The following SHISA9 variants were observed in gnomAD, a reference collection of about 807,000 sequenced individuals.
SHISA9 encodes the protein shisa family member 9.
A neutral mutation model predicts 38.0 loss-of-function variants in SHISA9; 13 were observed. That is an observed-to-expected ratio of 0.34 (90% CI 0.22 to 0.54). SHISA9 has a LOEUF of 0.54. SHISA9 is among the 20% of genes least tolerant of loss of function. SHISA9 has a pLI of 0.91. For missense variants in SHISA9, 538 were observed against 575.8 expected (o/e 0.93, Z 0.67); for synonymous variants, 275 against 242.0 (o/e 1.14, Z -1.27).
At chr16:13,415,815 T>TA in the SHISA9 span, among the ~76,000 whole-genome samples, 210 of 149,196 alleles carry the variant, frequency 1.4e-3, no homozygotes, top group African/African-American at 4.0e-3. Context: ...CTTCTTTCGT[T>TA]AAAAAAAAAA....
At chr16:13,307,990 CAT>C in the SHISA9 span, among the ~76,000 whole-genome samples, 1 of 152,174 alleles carries the variant, frequency 6.6e-6, no homozygotes, top group Non-Finnish European at 1.5e-5. Context: ...TTCTGAGTGC[CAT>C]ATGTTACAGA....
chr16:13,222,964 C>T (rs1221935112), intron 4 of SHISA9, among the ~76,000 whole-genome samples: 1 of 152,138 alleles, frequency 6.6e-6, no homozygotes, highest in Non-Finnish European at 1.5e-5. Flanking sequence ...TTTCAGGATG[C>T]AACGTCCTCT....
intron 2 of SHISA9, among the ~76,000 whole-genome samples, chr16:12,963,266 G>A (rs566525973): frequency 6.6e-6 from 1 of 152,338 alleles, no homozygotes; most frequent in Non-Finnish European, 1.5e-5. Flanking sequence ...GTGCATCTCT[G>A]CAGGACCCAG....
At chr16:13,110,808 G>A (rs753331973) in intron 2 of SHISA9, among the ~76,000 whole-genome samples, 2 of 152,218 alleles carry the variant, frequency 1.3e-5, no homozygotes, top group Non-Finnish European at 2.9e-5. Context: ...GTATGTCCAA[G>A]AGACAAGATA....
chr16:13,301,546 A>C, the SHISA9 span, among the ~76,000 whole-genome samples: 1 of 152,220 alleles, frequency 6.6e-6, no homozygotes, highest in Admixed American at 6.5e-5. Flanking sequence ...TTAAACTTCT[A>C]ATAGTTCTGT....
chr16:13,127,013 G>A (rs1181163187), intron 2 of SHISA9, among the ~76,000 whole-genome samples: 2 of 144,500 alleles, frequency 1.4e-5, no homozygotes, highest in Non-Finnish European at 3.0e-5. Context: ...AAGACTGTGG[G>A]AAGGAGACAG....
the SHISA9 span, among the ~76,000 whole-genome samples, chr16:13,275,488 A>G: frequency 6.6e-6 from 1 of 152,004 alleles, no homozygotes; most frequent in Non-Finnish European, 1.5e-5. Context: ...TATGAGTTCG[A>G]TGTAGTAATA....
intron 2 of SHISA9, among the ~76,000 whole-genome samples, chr16:13,102,768 C>T (rs1371154489): frequency 6.6e-6 from 1 of 152,152 alleles, no homozygotes; most frequent in Non-Finnish European, 1.5e-5. Context: ...CTTGTTTTGT[C>T]CCTGTTAATC....
At chr16:12,953,203 A>C (rs1378000290) in intron 2 of SHISA9, among the ~76,000 whole-genome samples, 1 of 145,814 alleles carries the variant, frequency 6.9e-6, no homozygotes, top group Non-Finnish European at 1.5e-5. Flanking sequence ...AAACAAAAAA[A>C]CCCCTCAACA....
intron 2 of SHISA9, among the ~76,000 whole-genome samples, chr16:13,028,456 C>G (rs1266991844): frequency 1.3e-5 from 2 of 152,202 alleles, no homozygotes; most frequent in East Asian, 3.9e-4. Flanking sequence ...AGGTGAAAGA[C>G]ACGTCTTACA....
chr16:13,273,308 T>C, the SHISA9 span, among the ~76,000 whole-genome samples: 9 of 152,206 alleles, frequency 5.9e-5, no homozygotes, highest in African/African-American at 2.2e-4. Flanking sequence ...GCTTAACCCC[T>C]GATATGGTTT....
intron 2 of SHISA9, among the ~76,000 whole-genome samples, chr16:13,197,371 G>T (rs1196661730): frequency 6.6e-6 from 1 of 152,074 alleles, no homozygotes; most frequent in Non-Finnish European, 1.5e-5. Context: ...TGTCTCTTCT[G>T]CATGGAGAGA....
chr16:13,379,190 T>C, the SHISA9 span, among the ~76,000 whole-genome samples: 1 of 152,102 alleles, frequency 6.6e-6, no homozygotes, highest in South Asian at 2.1e-4. Flanking sequence ...GGTGAGAAGA[T>C]AGTGAGTTTG....
chr16:13,142,687 A>G (rs929351355), intron 2 of SHISA9, among the ~76,000 whole-genome samples: 4 of 152,024 alleles, frequency 2.6e-5, no homozygotes, highest in Admixed American at 6.6e-5. Context: ...TCGTTACTTT[A>G]TTATCATCTC....
downstream of SHISA9, among the ~76,000 whole-genome samples, chr16:13,241,114 G>A (rs2042416): frequency 0.15 from 23,519 of 152,140 alleles, 2,119 homozygotes; most frequent in South Asian, 0.28. Flanking sequence ...GGGTGTTTAC[G>A]TGCCCATGGC....
chr16:13,117,719 T>G (rs2074044667), intron 2 of SHISA9, among the ~76,000 whole-genome samples: 1 of 152,172 alleles, frequency 6.6e-6, no homozygotes, highest in South Asian at 2.1e-4. Flanking sequence ...ACAGCCCAAT[T>G]TCATACTTCT....
chr16:13,377,891 G>T, the SHISA9 span, among the ~76,000 whole-genome samples: 3 of 152,070 alleles, frequency 2.0e-5, no homozygotes, highest in Admixed American at 6.5e-5. Flanking sequence ...AAATTAGCCA[G>T]TCGTGGTGGC....
chr16:13,269,010 A>C, the SHISA9 span, among the ~76,000 whole-genome samples: 2 of 152,200 alleles, frequency 1.3e-5, no homozygotes, highest in Non-Finnish European at 1.5e-5. Context: ...TCCAGGTAAA[A>C]AAAAATAATG....
intron 2 of SHISA9, among the ~76,000 whole-genome samples, chr16:12,919,087 A>T (rs1224383450): frequency 1.3e-5 from 2 of 152,210 alleles, no homozygotes; most frequent in African/African-American, 4.8e-5. Context: ...AGATGATTTG[A>T]GGAGTGCATT....
Sources: gnomAD v4.1 joint callset for allele counts (sites outside exome capture counted in the v4.1 genomes callset) on GRCh38, gnomAD v4.1.1 for gene constraint, MANE v1.5 for transcripts, NCBI Gene and HGNC (gene_info 2026-07-23, HGNC 2026-07-21) for gene names.